CILP: variants seen among roughly 807,000 people sequenced by gnomAD.
CILP encodes the protein cartilage intermediate layer protein.
Under a neutral mutation model 82.5 loss-of-function variants are expected in CILP, and 75 were observed. The ratio of observed to expected loss-of-function variants is 0.91; its 90% CI spans 0.75 to 1.10. The LOEUF (loss-of-function observed/expected upper bound fraction) is 1.10. Ranked by LOEUF, CILP falls within the 50% of genes least tolerant of loss-of-function variation. The pLI is 0.00. For missense variants in CILP, 1,479 were observed against 1,530.8 expected, an observed-to-expected ratio of 0.97 and a Z score of 0.56; for synonymous variants, 530 against 580.3, an observed-to-expected ratio of 0.91 and a Z score of 1.25.
intron 4 of CILP, 118 bp from the exon 5 acceptor site, chr15:65,205,584 T>C: frequency 1.0e-6 from 1 of 993,842 alleles, no homozygotes; most frequent in South Asian, 1.7e-5. Context: ...ATGTCGTAGA[T>C]GTCACTGATA....
chr15:65,204,617 A>T, intron 5 of CILP, 35 bp from the exon 6 acceptor site: 1 of 1,562,622 alleles, frequency 6.4e-7, no homozygotes, highest in Non-Finnish European at 8.6e-7. Context: ...CAGGGATTCT[A>T]TGGATTCTGG....
In CILP at chr15:65,198,962, C is replaced by T. The variant is rs1312103267; in HGVS notation, c.1324G>A (p.Asp442Asn). ...GCATCACGGCACCTGATCCCATTAT[C>T]CTGCTGCCCTGCACAAGTCTTAACA... ...CPVKTCAGQQ[D>N]NGIRCRDAVQ... Residue 442 changes from aspartate to asparagine, a missense_variant, in exon 9 of 9, where the codon GAT becomes AAT. Transcript: ENST00000261883. 7 of 1,613,678 alleles carry T rather than the reference C, an allele frequency of 4.3e-6. No homozygotes were observed. The highest frequency in any genetic ancestry group is 5.1e-6 in the Non-Finnish European group (6 of 1,180,046).
In CILP at chr15:65,197,997, C is replaced by T. The variant is rs755266753; in HGVS notation, c.2289G>A (p.Arg763=). 3 of 1,614,190 alleles carry T rather than the reference C, an allele frequency of 1.9e-6. No individual in the cohort carries two copies. The highest frequency in any genetic ancestry group is 2.2e-5 in the East Asian group (1 of 44,872). The change falls in exon 9 of 9, where the codon AGG becomes AGA. Residue 763 remains arginine (R), a synonymous_variant. Coordinates refer to ENST00000261883, the MANE Select transcript of CILP (RefSeq NM_003613.4). ...FVKVRAYRSE[R]FLPSEQIQGV... is the part of the protein sequence containing the mutation. ...CCTGGATCTGCTCACTAGGCAAGAA[C>T]CTCTCACTCCGGTAGGCCCTCACCT...
Position 65,196,540 on chromosome 15 carries a change from C to A in CILP, c.*191G>T, listed in dbSNP as rs2088363211. The A allele has an allele frequency of 1.5e-5, 7 of 480,608 alleles. No homozygotes were observed. Among genetic ancestry groups the A allele is most frequent in the Non-Finnish European group, 2.2e-5 (6 of 278,316 alleles). The allele number at this position is 480,608 out of a possible 1,614,324, so 29.8% of individuals were successfully genotyped here. A position where few individuals can be genotyped will look rare whatever the true frequency, so the allele number is the denominator to read the frequency against. ...TTTAAAGAACAGTTTCACAAAGGGG[C>A]TTTATTGTGCCATTGTGGGGGCCAC... On this transcript the variant is annotated 3_prime_UTR_variant, in exon 9 of 9. Transcript: ENST00000261883.
chr15:65,200,906 A>T (rs947747546), intron 8 of CILP, among the ~76,000 whole-genome samples: 9 of 152,214 alleles, frequency 5.9e-5, no homozygotes, highest in Non-Finnish European at 1.2e-4. Flanking sequence ...TGCTCCCTCA[A>T]GTAGCCATCC....
At chr15:65,199,423 A>G (rs2088423895) in intron 8 of CILP, among the ~76,000 whole-genome samples, 1 of 152,196 alleles carries the variant, frequency 6.6e-6, no homozygotes. Flanking sequence ...TTGATGTTCT[A>G]TGTCCTGCAA....
chr15:65,200,251 C>T (rs1247707893), intron 8 of CILP, among the ~76,000 whole-genome samples: 1 of 152,150 alleles, frequency 6.6e-6, no homozygotes, highest in African/African-American at 2.4e-5. Context: ...ATAAATGTAA[C>T]TTCAGAATAA....
Position 65,201,969 on chromosome 15 carries a change from C to G in CILP, c.1089G>C (p.Leu363=), listed in dbSNP as rs1173345783. The change falls in exon 8 of 9, where the codon CTG becomes CTC. Residue 363 remains leucine, a synonymous_variant. Coordinates refer to ENST00000261883, the MANE Select transcript of CILP (RefSeq NM_003613.4). The stretch of plus-strand genomic sequence containing the variant: ...CAGCCTGGTGCTGCTGCAGTTTCCT[C>G]AGCACCAGCTTGCTCTCATGCTTGT... ...SLYKHESKLV[L]RKLQQHQAGE... is the part of the protein sequence containing the mutation. The G allele has an allele frequency of 1.9e-6, 3 of 1,606,816 alleles. No homozygotes were observed. The South Asian group carries it at 3.3e-5, about 18-fold the overall frequency.
chr15:65,207,630 A>G, intron 3 of CILP, 42 bp downstream of exon 3: 1 of 1,561,170 alleles, frequency 6.4e-7, no homozygotes, highest in Non-Finnish European at 8.8e-7. Flanking sequence ...AGCTCGTTAA[A>G]GGCTGCCCCT....
intron 6 of CILP, 134 bp downstream of exon 6, chr15:65,204,134 T>C (rs912551392): frequency 2.8e-6 from 2 of 719,854 alleles, no homozygotes; most frequent in Non-Finnish European, 4.6e-6. Flanking sequence ...CCAGATAATA[T>C]AGTGCCATGT....
At chr15:65,205,684 G>A (rs1203358947) in intron 4 of CILP, among the ~76,000 whole-genome samples, 1 of 152,214 alleles carries the variant, frequency 6.6e-6, no homozygotes, top group Non-Finnish European at 1.5e-5. Flanking sequence ...ATGGGCTAGG[G>A]GTGGCCCTGA....
intron 2 of CILP, among the ~76,000 whole-genome samples, 198 bp from the exon 3 acceptor site, chr15:65,207,962 T>C (rs890338191): frequency 6.6e-6 from 1 of 152,232 alleles, no homozygotes; most frequent in African/African-American, 2.4e-5. Context: ...AAAATAGGAA[T>C]GCACTAATAA....
intron 7 of CILP, 35 bp downstream of exon 7, chr15:65,203,327 G>T: frequency 7.0e-7 from 1 of 1,428,694 alleles, no homozygotes; most frequent in Non-Finnish European, 9.9e-7. Context: ...GTTTCCAGGA[G>T]GAGAATTGGG....
Position 65,204,206 on chromosome 15 carries a change from A to T in CILP, c.919+62T>A, listed in dbSNP as rs1295744296. The stretch of plus-strand genomic sequence containing the variant: ...AGCTGGGAAGCCAGCTTTTAGCACT[A>T]TAATCCCTTTATTTAAAAATCTGGA... On this transcript the variant is annotated intron_variant, in intron 6 of 8. Coordinates refer to ENST00000261883, the MANE Select transcript of CILP (RefSeq NM_003613.4). The T allele has an allele frequency of 2.0e-6, 3 of 1,491,476 alleles. No homozygotes were observed. In the East Asian group the frequency reaches 6.8e-5, roughly 34 times the overall value. 92.4% of individuals were successfully genotyped at this position (1,491,476 alleles called of 1,614,324 possible).
Position 65,194,901 on chromosome 15 carries a change from CT to C in CILP, c.*1829del, listed in dbSNP as rs2088345117. On this transcript the variant is annotated 3_prime_UTR_variant, in exon 9 of 9. Transcript: ENST00000261883. ...CCTCCCCCCGTGAGTTTGAAGTGAA[CT>C]GGTGGTCAGGTTGAAGCAGCAGGCA... 8.5e-6 allele frequency: 1 copy of C among 117,568 alleles called. No homozygotes were observed. The highest frequency in any genetic ancestry group is 3.0e-4 in the East Asian group (1 of 3,378). 7.3% of individuals were successfully genotyped at this position (117,568 alleles called of 1,614,324 possible).
At chr15:65,200,774 G>A (rs998033239) in intron 8 of CILP, among the ~76,000 whole-genome samples, 2 of 152,156 alleles carry the variant, frequency 1.3e-5, no homozygotes, top group South Asian at 4.1e-4. Flanking sequence ...CCACATCTCA[G>A]ACCAATTAAG....
Position 65,198,283 on chromosome 15 carries a change from A to G in CILP, c.2003T>C (p.Val668Ala). 1 of 1,614,204 alleles carries G rather than the reference A, an allele frequency of 6.2e-7. No homozygotes were observed. Among genetic ancestry groups the G allele is most frequent in the South Asian group, 1.1e-5 (1 of 91,084 alleles). ...GMFSVDFRDE[V>A]TSEPLNAGKV... is the part of the protein sequence containing the mutation. ...GCCAGCATTAAGTGGCTCTGAGGTG[A>G]CCTCATCTCTGAAGTCCACAGAGAA... Residue 668 changes from valine to alanine, a missense_variant, in exon 9 of 9, where the codon GTC becomes GCC. Val to Ala is a moderately conservative substitution (Grantham distance 64). Coordinates refer to ENST00000261883, the MANE Select transcript of CILP (RefSeq NM_003613.4).
At chr15:65,204,699 A>AC (rs1235859619) in intron 5 of CILP, 117 bp from the exon 6 acceptor site, 2 of 1,005,746 alleles carry the variant, frequency 2.0e-6, no homozygotes, top group Non-Finnish European at 2.8e-6. Context: ...ATCAGCCTGC[A>AC]TGACTAACTC....
Position 65,209,723 on chromosome 15 carries a change from G to C in CILP, c.33C>G (p.Phe11Leu). The change falls in exon 2 of 9, where the codon TTC (phenylalanine) becomes TTG (leucine). Residue 11 changes from phenylalanine to leucine, a missense_variant. Coordinates refer to ENST00000261883, the MANE Select transcript of CILP (RefSeq NM_003613.4). MVGTKAWVFSFLVLEVTSVLG... is the reference protein window; with the variant it reads MVGTKAWVFSLLVLEVTSVLG... ...ACACAGATGTGACTTCCAGGACCAGGAAGGAGAACACCCAGGCCTTGGTCC... is the reference window on the plus strand; with the variant it reads ...ACACAGATGTGACTTCCAGGACCAGCAAGGAGAACACCCAGGCCTTGGTCC... 2 of 1,614,134 alleles carry C rather than the reference G, an allele frequency of 1.2e-6. No individual in the cohort carries two copies. The highest frequency in any genetic ancestry group is 2.2e-5 in the South Asian group (2 of 91,080).
Sources: allele counts gnomAD v4.1 joint callset (sites outside exome capture counted in the v4.1 genomes callset), GRCh38; gene constraint gnomAD v4.1.1; transcripts MANE v1.5; gene names NCBI Gene and HGNC (gene_info 2026-07-23, HGNC 2026-07-21).